SHISA9: variants seen among roughly 807,000 people sequenced by gnomAD.
The protein encoded by SHISA9 is shisa family member 9.
A neutral mutation model predicts 38.0 loss-of-function variants in SHISA9; 13 were observed. The ratio of observed to expected loss-of-function variants is 0.34; its 90% CI spans 0.22 to 0.54. SHISA9 has a LOEUF of 0.54. SHISA9 is among the 20% of genes least tolerant of loss of function. SHISA9 has a pLI of 0.91. For synonymous variants in SHISA9, 275 were observed against 242.0 expected (o/e 1.14, Z -1.27); for missense variants, 538 against 575.8 (o/e 0.93, Z 0.67).
At chr16:13,120,569 G>T (rs1044554056) in intron 2 of SHISA9, among the ~76,000 whole-genome samples, 3 of 152,118 alleles carry the variant, frequency 2.0e-5, no homozygotes, top group Non-Finnish European at 4.4e-5. Flanking sequence ...GCAAAACAAG[G>T]CGTGAAAACA....
chr16:13,081,714 A>G (rs1313460866), intron 2 of SHISA9, among the ~76,000 whole-genome samples: 1 of 152,028 alleles, frequency 6.6e-6, no homozygotes, highest in Non-Finnish European at 1.5e-5. Context: ...TTAGCTGGGC[A>G]TGGTGGTGGG....
the SHISA9 span, among the ~76,000 whole-genome samples, chr16:13,544,697 C>G: frequency 2.0e-5 from 3 of 152,044 alleles, no homozygotes; most frequent in African/African-American, 7.2e-5. Flanking sequence ...AATCCCAGCA[C>G]TTTGGGAGGC....
the SHISA9 span, among the ~76,000 whole-genome samples, chr16:13,434,417 A>ATTTTTTTTTTTT: frequency 3.4e-4 from 14 of 41,786 alleles, no homozygotes; most frequent in African/African-American, 1.0e-3. Context: ...TAGACAAGCT[A>ATTTTTTTTTTTT]TGTTTTTTTT....
the SHISA9 span, among the ~76,000 whole-genome samples, chr16:13,369,763 A>G: frequency 1.3e-5 from 2 of 152,084 alleles, no homozygotes; most frequent in African/African-American, 4.8e-5. Flanking sequence ...GGTGAGTTTG[A>G]GAAGAATGTC....
At chr16:13,373,669 G>A in the SHISA9 span, among the ~76,000 whole-genome samples, 3 of 151,508 alleles carry the variant, frequency 2.0e-5, no homozygotes, top group Non-Finnish European at 4.4e-5. Flanking sequence ...GACTGACACA[G>A]GAGAATTGCT....
chr16:13,014,148 A>G (rs1596584793), intron 2 of SHISA9, among the ~76,000 whole-genome samples: 1 of 152,170 alleles, frequency 6.6e-6, no homozygotes, highest in African/African-American at 2.4e-5. Context: ...CATTTTACAG[A>G]TGAGGAAACT....
chr16:13,200,055 C>G (rs925087943), intron 2 of SHISA9, among the ~76,000 whole-genome samples: 1 of 152,062 alleles, frequency 6.6e-6, no homozygotes, highest in African/African-American at 2.4e-5. Flanking sequence ...CTAAGGGGTC[C>G]TTTGCCCTTG....
chr16:13,381,323 ATTTG>A, the SHISA9 span, among the ~76,000 whole-genome samples: 1 of 152,160 alleles, frequency 6.6e-6, no homozygotes, highest in African/African-American at 2.4e-5. Flanking sequence ...TAACAAATGT[ATTTG>A]TCTGTGGGAA....
At chr16:13,434,419 G>GTTTTTTT in the SHISA9 span, among the ~76,000 whole-genome samples, 1 of 64,566 alleles carries the variant, frequency 1.5e-5, no homozygotes, top group African/African-American at 5.4e-5. Context: ...GACAAGCTAT[G>GTTTTTTT]TTTTTTTTTT....
At chr16:13,450,895 T>C in the SHISA9 span, among the ~76,000 whole-genome samples, 1 of 152,190 alleles carries the variant, frequency 6.6e-6, no homozygotes, top group African/African-American at 2.4e-5. Flanking sequence ...CATGCATTCA[T>C]TCATTTAACA....
chr16:13,201,207 G>C (rs1249336244), intron 2 of SHISA9, among the ~76,000 whole-genome samples: 1 of 134,784 alleles, frequency 7.4e-6, no homozygotes. Context: ...TTATGTAGTT[G>C]TCCCACGGTA....
In SHISA9 at chr16:13,052,139, G is replaced by A. The variant is rs151208447; in HGVS notation, c.691+135324G>A. On this transcript the variant is annotated intron_variant, in intron 2 of 4. Transcript: ENST00000558583. ...GGAGAAATGAGTAAATCTAGTTTAC[G>A]GTAGAAACCCCCAGTCATTAAAAAG... Among the ~76,000 whole-genome samples, 617 of 151,978 alleles carry A rather than the reference G, an allele frequency of 4.1e-3. 3 individuals carry two copies. Among genetic ancestry groups the A allele is most frequent in the Middle Eastern group, 0.017 (5 of 294 alleles).
At chr16:13,218,390 C>T (rs550291517) in intron 4 of SHISA9, among the ~76,000 whole-genome samples, 15 of 152,180 alleles carry the variant, frequency 9.9e-5, no homozygotes, top group South Asian at 2.1e-4. Context: ...TAGATGCAAT[C>T]GCAGTTTGCG....
chr16:13,482,971 C>A, the SHISA9 span, among the ~76,000 whole-genome samples: 2 of 152,088 alleles, frequency 1.3e-5, no homozygotes, highest in Non-Finnish European at 2.9e-5. Flanking sequence ...CGGAGAAAAA[C>A]TAACTGGAGC....
chr16:13,393,439 T>C, the SHISA9 span, among the ~76,000 whole-genome samples: 6 of 152,228 alleles, frequency 3.9e-5, no homozygotes, highest in African/African-American at 1.4e-4. Context: ...TTTCTTATTG[T>C]GTCTGATCCA....
At chr16:13,540,421 T>C in the SHISA9 span, among the ~76,000 whole-genome samples, 1 of 152,214 alleles carries the variant, frequency 6.6e-6, no homozygotes, top group East Asian at 1.9e-4. Flanking sequence ...GGTATATAAA[T>C]ACCCCAGCTC....
At chr16:13,485,204 C>T in the SHISA9 span, among the ~76,000 whole-genome samples, 2 of 152,046 alleles carry the variant, frequency 1.3e-5, no homozygotes, top group Non-Finnish European at 2.9e-5. Flanking sequence ...CCCGCACCCC[C>T]CGACAGGCCC....
the SHISA9 span, among the ~76,000 whole-genome samples, chr16:13,462,823 G>C: frequency 6.6e-6 from 1 of 151,946 alleles, no homozygotes; most frequent in Admixed American, 6.6e-5. Flanking sequence ...TTAGCCAGGC[G>C]TGGTGGCGGG....
At chr16:13,224,303 C>T (rs1244597805) in intron 4 of SHISA9, among the ~76,000 whole-genome samples, 1 of 152,172 alleles carries the variant, frequency 6.6e-6, no homozygotes, top group Non-Finnish European at 1.5e-5. Flanking sequence ...GCTAGGTCTG[C>T]TAAAGAGTAT....
Sources: allele counts gnomAD v4.1 joint callset (sites outside exome capture counted in the v4.1 genomes callset), GRCh38; gene constraint gnomAD v4.1.1; transcripts MANE v1.5; gene names NCBI Gene and HGNC (gene_info 2026-07-23, HGNC 2026-07-21).